Variants in FADS6 observed in about 807,000 individuals in gnomAD.
FADS6 encodes the protein fatty acid desaturase 6.
Under a neutral mutation model 31.7 loss-of-function variants are expected in FADS6, and 28 were observed. The observed-to-expected ratio is 0.88, with a 90% CI of 0.66 to 1.21. The LOEUF is 1.21. Ranked by LOEUF, FADS6 falls within the 50% of genes most tolerant of loss-of-function variation. FADS6 has a pLI of 0.00. For missense variants in FADS6, 494 were observed against 504.2 expected (o/e 0.98, Z 0.19); for synonymous variants, 191 against 213.1 (o/e 0.90, Z 0.90).
intron 2 of FADS6, among the ~76,000 whole-genome samples, chr17:74,889,814 T>C (rs996844367): frequency 7.9e-6 from 1 of 125,800 alleles, no homozygotes; most frequent in Non-Finnish European, 1.6e-5. Context: ...AAGGTTGCAG[T>C]GAGCCGAGAC....
At position 74,890,054 on chromosome 17, in the gene FADS6, C is replaced by T. The variant is rs139219307; in HGVS notation, c.411+2469G>A. The stretch of plus-strand genomic sequence containing the variant: ...CACATGCTGGCCTCATGAGGGAGGT[C>T]GTGTTATTTCTCCTGTTTATTAGGT... On this transcript the variant is annotated intron_variant, in intron 2 of 5. Coordinates refer to ENST00000612771, the MANE Select transcript of FADS6 (RefSeq NM_178128.6). Among the ~76,000 whole-genome samples the T allele has an allele frequency of 3.3e-3, 501 of 152,056 alleles. 1 individual carries two copies. The highest frequency in any genetic ancestry group is 6.0e-3 in the Non-Finnish European group (411 of 67,972).
rs2038525732 is a variant in FADS6 at position 74,878,118 on chromosome 17, G to A, written c.*213C>T. Reference sequence around the variant, plus strand: ...ACCAGAATGCACAGCCACCATTACCGCTTCACCCAGACACCCCTCAAAACC... The same window carrying A: ...ACCAGAATGCACAGCCACCATTACCACTTCACCCAGACACCCCTCAAAACC... On this transcript the variant is annotated 3_prime_UTR_variant, in exon 6 of 6. Coordinates refer to ENST00000612771, the MANE Select transcript of FADS6 (RefSeq NM_178128.6). 5.7e-6 allele frequency: 8 copies of A among 1,407,864 alleles called. No homozygotes were observed. Among genetic ancestry groups the A allele is most frequent in the Admixed American group, 3.0e-5 (1 of 33,120 alleles). 87.2% of individuals were successfully genotyped at this position (1,407,864 alleles called of 1,614,324 possible).
chr17:74,878,245 C>G lies in FADS6; in HGVS notation c.*86G>C. Reference sequence around the variant, plus strand: ...CACTCTCCAGGTCCACCACCAGCCACTGAGCCACACCCCCTGGACCAGCAG... The same window carrying G: ...CACTCTCCAGGTCCACCACCAGCCAGTGAGCCACACCCCCTGGACCAGCAG... On this transcript the variant is annotated 3_prime_UTR_variant, in exon 6 of 6. Coordinates refer to ENST00000612771, the MANE Select transcript of FADS6 (RefSeq NM_178128.6). 1 of 1,487,804 alleles carries G rather than the reference C, an allele frequency of 6.7e-7. No homozygotes were observed. Among genetic ancestry groups the G allele is most frequent in the Non-Finnish European group, 8.9e-7 (1 of 1,118,212 alleles). The allele number at this position is 1,487,804 out of a possible 1,614,324, so 92.2% of individuals were successfully genotyped here. A position where few individuals can be genotyped will look rare whatever the true frequency, so the allele number is the denominator to read the frequency against.
intron 2 of FADS6, among the ~76,000 whole-genome samples, chr17:74,889,521 T>C (rs2038665001): frequency 6.6e-6 from 1 of 150,812 alleles, no homozygotes; most frequent in East Asian, 1.9e-4. Flanking sequence ...TGTTGAGCTT[T>C]GCAAACTTGC....
chr17:74,882,235 C>T lies in FADS6; in HGVS notation c.592+295G>A, dbSNP rs376968511. On this transcript the variant is annotated intron_variant, in intron 3 of 5. Coordinates refer to ENST00000612771, the MANE Select transcript of FADS6 (RefSeq NM_178128.6). Reference sequence around the variant, plus strand: ...ACAGGTGTCAGCCACCACACGCAGACCCTGCAAAACATTTTTATACTTAGG... The same window carrying T: ...ACAGGTGTCAGCCACCACACGCAGATCCTGCAAAACATTTTTATACTTAGG... Among the ~76,000 whole-genome samples the T allele has an allele frequency of 2.1e-4, 32 of 152,322 alleles. No homozygotes were observed. In the East Asian group the frequency reaches 5.2e-3, roughly 25 times the overall value.
intron 2 of FADS6, among the ~76,000 whole-genome samples, chr17:74,892,164 G>A (rs2038695927): frequency 6.6e-6 from 1 of 152,190 alleles, no homozygotes; most frequent in African/African-American, 2.4e-5. Context: ...TCCGGAGTAA[G>A]GACGCTGCCC....
At position 74,878,224 on chromosome 17, in the gene FADS6, C is replaced by A; in HGVS notation, c.*107G>T. 6.8e-7 allele frequency: 1 copy of A among 1,467,680 alleles called. No homozygotes were observed. The highest frequency in any genetic ancestry group is 9.0e-7 in the Non-Finnish European group (1 of 1,110,898). 90.9% of individuals were successfully genotyped at this position (1,467,680 alleles called of 1,614,324 possible). A position where few individuals can be genotyped will look rare whatever the true frequency, so the allele number is the denominator to read the frequency against. ...CCCCTGCCTGGCCGGTGCCTCCACTCTCCAGGTCCACCACCAGCCACTGAG... is the reference window on the plus strand; with the variant it reads ...CCCCTGCCTGGCCGGTGCCTCCACTATCCAGGTCCACCACCAGCCACTGAG... On this transcript the variant is annotated 3_prime_UTR_variant, in exon 6 of 6. Coordinates refer to ENST00000612771, the MANE Select transcript of FADS6 (RefSeq NM_178128.6).
downstream of FADS6, among the ~76,000 whole-genome samples, chr17:74,875,861 C>A (rs961159417): frequency 6.6e-6 from 1 of 152,168 alleles, no homozygotes; most frequent in Non-Finnish European, 1.5e-5. Flanking sequence ...AGTCAACCTT[C>A]TAGCAAGAAA....
downstream of FADS6, among the ~76,000 whole-genome samples, chr17:74,874,911 GC>G (rs944201621): frequency 6.6e-6 from 1 of 152,130 alleles, no homozygotes; most frequent in Non-Finnish European, 1.5e-5. Flanking sequence ...GGTTCGCAAA[GC>G]CCCAGATATT....
Position 74,891,104 on chromosome 17 carries a change from T to C in FADS6, c.411+1419A>G, listed in dbSNP as rs1264844017. On this transcript the variant is annotated intron_variant, in intron 2 of 5. Transcript: ENST00000612771. The stretch of plus-strand genomic sequence containing the variant: ...CTCCTGGTACTCAGTACAGCTTTTT[T>C]CTTTTTGATTTTTTTTTTTTTTTTT... Among the ~76,000 whole-genome samples the C allele has an allele frequency of 2.0e-5, 3 of 146,504 alleles. No homozygotes were observed. In the South Asian group the frequency reaches 6.4e-4, roughly 31 times the overall value.
chr17:74,878,213 G>A lies in FADS6; in HGVS notation c.*118C>T. ...GCTCCCCTGCCCCCCTGCCTGGCCG[G>A]TGCCTCCACTCTCCAGGTCCACCAC... On this transcript the variant is annotated 3_prime_UTR_variant, in exon 6 of 6. Transcript: ENST00000612771. 1 of 1,448,104 alleles carries A rather than the reference G, an allele frequency of 6.9e-7. No homozygotes were observed. The highest frequency in any genetic ancestry group is 9.1e-7 in the Non-Finnish European group (1 of 1,103,288). 89.7% of individuals were successfully genotyped at this position (1,448,104 alleles called of 1,614,324 possible). A position where few individuals can be genotyped will look rare whatever the true frequency, so the allele number is the denominator to read the frequency against.
intron 2 of FADS6, among the ~76,000 whole-genome samples, chr17:74,889,135 C>T (rs1228932009): frequency 6.6e-6 from 1 of 152,194 alleles, no homozygotes; most frequent in Non-Finnish European, 1.5e-5. Context: ...TTGCCCCTCC[C>T]CCAGATCCAA....
chr17:74,875,040 A>G (rs1175011805), downstream of FADS6, among the ~76,000 whole-genome samples: 5 of 152,190 alleles, frequency 3.3e-5, no homozygotes, highest in Admixed American at 6.5e-5. Flanking sequence ...GCTAGCACAT[A>G]ATGGAAGTTC....
Position 74,882,647 on chromosome 17 carries a change from T to C in FADS6, c.475A>G (p.Thr159Ala). ...GAGTCCCCCAGGCCCACCACGTTGG[T>C]GTAGGCATGGTGCATCTTGACGTGC... is the stretch of plus-strand genomic sequence containing the variant. ...HGHVKMHHAY[T>A]NVVGLGDSST... is the part of the protein sequence containing the mutation. Residue 159 changes from threonine (T) to alanine (A), a missense_variant, in exon 3 of 6, where the codon ACC (threonine) becomes GCC (alanine). Thr to Ala is a moderately conservative substitution (Grantham distance 58, BLOSUM62 0). Transcript: ENST00000612771. 2 of 1,611,594 alleles carry C rather than the reference T, an allele frequency of 1.2e-6. No homozygotes were observed. Among genetic ancestry groups the C allele is most frequent in the Non-Finnish European group, 1.7e-6 (2 of 1,179,050 alleles).
chr17:74,893,148 AC>A (rs1453320859), intron 1 of FADS6, among the ~76,000 whole-genome samples: 8 of 135,792 alleles, frequency 5.9e-5, no homozygotes, highest in Admixed American at 1.4e-4. Context: ...AGGGCAGAAC[AC>A]CCCAGTCCAG....
chr17:74,877,718 TCA>T lies in FADS6; in HGVS notation c.*611_*612del. 2.0e-6 allele frequency: 2 copies of T among 985,518 alleles called. No homozygotes were observed. Among genetic ancestry groups the T allele is most frequent in the Non-Finnish European group, 2.4e-6 (2 of 830,042 alleles). 61.0% of individuals were successfully genotyped at this position (985,518 alleles called of 1,614,324 possible). On this transcript the variant is annotated 3_prime_UTR_variant, in exon 6 of 6. Coordinates refer to ENST00000612771, the MANE Select transcript of FADS6 (RefSeq NM_178128.6). Reference sequence around the variant, plus strand: ...GGAGTTCCCTCCCGACAAAACACACTCACTTTTATCTTGCTGATACTGTGGCC... The same window carrying T: ...GGAGTTCCCTCCCGACAAAACACACTCTTTTATCTTGCTGATACTGTGGCC...
At chr17:74,890,259 G>A (rs946783546) in intron 2 of FADS6, among the ~76,000 whole-genome samples, 24 of 152,028 alleles carry the variant, frequency 1.6e-4, no homozygotes, top group South Asian at 2.1e-4. Context: ...TGTCCTCGCC[G>A]CCACCCTGTG....
At position 74,882,713 on chromosome 17, in the gene FADS6, AGAG is replaced by A; in HGVS notation, c.412-6_412-4del. On this transcript the variant is annotated splice_polypyrimidine_tract_variant and splice_region_variant and intron_variant, in intron 2 of 5. Transcript: ENST00000612771. ...TCTGCAGTGAAGGCTGTGCACACCT[AGAG>A]GAGGGAACCAGAAATGACACTGGGG... is the stretch of plus-strand genomic sequence containing the variant. 1 of 1,606,986 alleles carries A rather than the reference AGAG, an allele frequency of 6.2e-7. No homozygotes were observed. The highest frequency in any genetic ancestry group is 8.5e-7 in the Non-Finnish European group (1 of 1,177,620).
At chr17:74,880,922 AGGGCAC>A (rs1354284166) in intron 4 of FADS6, 140 bp downstream of exon 4, 2 of 821,714 alleles carry the variant, frequency 2.4e-6, no homozygotes, top group Non-Finnish European at 3.7e-6. Context: ...GGACGAGGCG[AGGGCAC>A]AGTGTGATGA....
Sources: allele counts gnomAD v4.1 joint callset (sites outside exome capture counted in the v4.1 genomes callset), GRCh38; gene constraint gnomAD v4.1.1; transcripts MANE v1.5; gene names NCBI Gene and HGNC (gene_info 2026-07-23, HGNC 2026-07-21).